The following RBFOX1 variants were observed in gnomAD, a reference collection of about 807,000 sequenced individuals.
The protein encoded by RBFOX1 is RNA binding fox-1 homolog 1, also known as RNA binding protein fox-1 homolog 1.
In RBFOX1, 8 loss-of-function variants were observed where a neutral mutation model predicts 57.7. That is an observed-to-expected ratio of 0.14 (90% CI 0.08 to 0.25). The LOEUF (loss-of-function observed/expected upper bound fraction) is 0.25, where lower values mean the gene tolerates loss of function less well. RBFOX1 is among the 10% of genes least tolerant of loss of function. The probability of loss-of-function intolerance (pLI) is 1.00; values close to 1 mark genes in which losing one functional copy is unlikely to be tolerated. For synonymous variants in RBFOX1, 326 were observed against 222.4 expected (o/e 1.47, Z -4.15); for missense variants, 611 against 548.5 (o/e 1.11, Z -1.14).
intron 2 of RBFOX1, among the ~76,000 whole-genome samples, chr16:6,578,892 G>C (rs1343555223): frequency 2.0e-5 from 3 of 151,992 alleles, no homozygotes; most frequent in East Asian, 1.9e-4. Flanking sequence ...TGGGGGAAAG[G>C]GTGGGAGTGG....
chr16:5,807,959 A>G (rs1053133724), intron 3 of RBFOX1, among the ~76,000 whole-genome samples: 19 of 152,124 alleles, frequency 1.2e-4, no homozygotes, highest in African/African-American at 4.1e-4. Context: ...TATTCAGTCC[A>G]TTTCTTTCAA....
intron 3 of RBFOX1, among the ~76,000 whole-genome samples, chr16:6,777,073 G>T (rs769861711): frequency 4.0e-5 from 6 of 150,242 alleles, no homozygotes; most frequent in Non-Finnish European, 7.4e-5. Context: ...GGGATTCTGT[G>T]TTAACCGTGT....
At chr16:5,243,723 C>CG (rs2062226799) in intron 1 of RBFOX1, among the ~76,000 whole-genome samples, 1 of 152,070 alleles carries the variant, frequency 6.6e-6, no homozygotes, top group South Asian at 2.1e-4. Context: ...GAGCTTGGGT[C>CG]CCTGCTGTAC....
In RBFOX1 at chr16:6,478,429, A is replaced by ATTT. The variant is rs58352204; in HGVS notation, c.-64+161388_-64+161390dup. ...TATATATATATATATATATATATAT[A>ATTT]TTTTTTTTTTTTTTTTTTGTATTTT... On this transcript the variant is annotated intron_variant, in intron 2 of 15. Coordinates refer to ENST00000550418, the MANE Select transcript of RBFOX1 (RefSeq NM_018723.4). Among the ~76,000 whole-genome samples, 215 of 24,554 alleles carry ATTT rather than the reference A, an allele frequency of 8.8e-3. 10 individuals are homozygous for ATTT. The highest frequency in any genetic ancestry group is 0.025 in the South Asian group (10 of 394). The allele number at this position is 24,554 out of a possible 152,430, so 16.1% of individuals were successfully genotyped here. A position where few individuals can be genotyped will look rare whatever the true frequency, so the allele number is the denominator to read the frequency against.
chr16:5,866,354 C>G (rs1159642190), intron 3 of RBFOX1, among the ~76,000 whole-genome samples: 1 of 152,220 alleles, frequency 6.6e-6, no homozygotes, highest in East Asian at 1.9e-4. Context: ...TTCCAAAGGT[C>G]CAGTCTCCAA....
chr16:7,216,160 G>T (rs1036449241), intron 4 of RBFOX1, among the ~76,000 whole-genome samples: 3 of 152,154 alleles, frequency 2.0e-5, no homozygotes, highest in Non-Finnish European at 4.4e-5. Context: ...GATATACCAT[G>T]TTGTATTTAC....
At position 7,138,959 on chromosome 16, in the gene RBFOX1, C is replaced by T. The variant is rs115496790; in HGVS notation, c.27+86861C>T. Among the ~76,000 whole-genome samples the T allele has an allele frequency of 4.3e-3, 654 of 152,202 alleles. 6 individuals carry two copies. The highest frequency in any genetic ancestry group is 0.015 in the African/African-American group (625 of 41,518). On this transcript the variant is annotated intron_variant, in intron 4 of 15. Coordinates refer to ENST00000550418, the MANE Select transcript of RBFOX1 (RefSeq NM_018723.4). ...AAGTAGCTAAGATTACAGCCTCCTA[C>T]CACCTAGTTAATTTTTATATTTTTA...
chr16:7,673,275 A>G (rs1203707098), intron 13 of RBFOX1, among the ~76,000 whole-genome samples: 1 of 152,220 alleles, frequency 6.6e-6, no homozygotes, highest in Non-Finnish European at 1.5e-5. Flanking sequence ...GAGGTCCCTC[A>G]GTGTTCATGA....
intron 3 of RBFOX1, among the ~76,000 whole-genome samples, chr16:6,963,067 A>G (rs1449584689): frequency 3.9e-5 from 6 of 152,062 alleles, no homozygotes; most frequent in Admixed American, 1.3e-4. Context: ...CCCAAGTCAA[A>G]TGCTCCAGGC....
At chr16:6,827,651 C>G (rs1055112495) in intron 3 of RBFOX1, among the ~76,000 whole-genome samples, 15 of 152,176 alleles carry the variant, frequency 9.9e-5, no homozygotes, top group African/African-American at 3.6e-4. Flanking sequence ...CTCCTTCCCC[C>G]TCCTCACCCT....
intron 3 of RBFOX1, among the ~76,000 whole-genome samples, chr16:5,788,900 C>A (rs975927663): frequency 6.6e-6 from 1 of 152,122 alleles, no homozygotes; most frequent in Non-Finnish European, 1.5e-5. Flanking sequence ...CTGTTGCACC[C>A]CATATGTAAG....
intron 5 of RBFOX1, among the ~76,000 whole-genome samples, chr16:7,539,966 T>C (rs1458287594): frequency 1.3e-5 from 2 of 152,198 alleles, no homozygotes. Context: ...CTTTATTCAC[T>C]GCATGACTTT....
At chr16:7,614,758 G>C (rs61045254) in intron 10 of RBFOX1, 20 of 152,120 alleles carry the variant, frequency 1.3e-4, no homozygotes, top group Admixed American at 1.1e-3. Flanking sequence ...GCCACTTGCA[G>C]GTACTTGCTC....
intron 3 of RBFOX1, among the ~76,000 whole-genome samples, chr16:6,918,705 C>G (rs534133449): frequency 3.7e-4 from 57 of 152,296 alleles, no homozygotes; most frequent in African/African-American, 1.4e-3. Context: ...AGAAAGAAAT[C>G]ATTCTCTGCC....
intron 2 of RBFOX1, among the ~76,000 whole-genome samples, chr16:5,506,340 G>A (rs2043378284): frequency 6.6e-6 from 1 of 152,178 alleles, no homozygotes. Flanking sequence ...GCTCCTCACA[G>A]GTCGTCCTCT....
intron 4 of RBFOX1, among the ~76,000 whole-genome samples, chr16:7,514,651 G>T (rs578097702): frequency 6.6e-6 from 1 of 152,110 alleles, no homozygotes; most frequent in Non-Finnish European, 1.5e-5. Context: ...GACTAGTTGG[G>T]CAAGGGGGTA....
chr16:5,777,587 C>T (rs188527656), intron 3 of RBFOX1, among the ~76,000 whole-genome samples: 8 of 152,220 alleles, frequency 5.3e-5, no homozygotes, highest in African/African-American at 1.9e-4. Context: ...AAATGGTCTT[C>T]GAGCAGGTCA....
chr16:6,029,244 G>T (rs569772208), intron 1 of RBFOX1, among the ~76,000 whole-genome samples: 1 of 152,148 alleles, frequency 6.6e-6, no homozygotes, highest in Non-Finnish European at 1.5e-5. Context: ...TATTGGTTTT[G>T]TCTGTGTAAA....
At chr16:6,332,408 G>C (rs1286696762) in intron 2 of RBFOX1, among the ~76,000 whole-genome samples, 1 of 152,134 alleles carries the variant, frequency 6.6e-6, no homozygotes. Flanking sequence ...ACATATGAAT[G>C]CACAAACAGA....
Sources: allele counts gnomAD v4.1 joint callset (sites outside exome capture counted in the v4.1 genomes callset), GRCh38; gene constraint gnomAD v4.1.1; transcripts MANE v1.5; gene names NCBI Gene and HGNC (gene_info 2026-07-23, HGNC 2026-07-21).